IHO1: variants seen among roughly 807,000 people sequenced by gnomAD.
IHO1 encodes interactor of HORMAD1 protein 1.
A neutral mutation model predicts 31.0 loss-of-function variants in IHO1; 13 were observed. The ratio of observed to expected loss-of-function variants is 0.42; its 90% CI spans 0.27 to 0.67. The LOEUF is 0.67. Among genes scored for constraint, IHO1 ranks in the 30% least tolerant of loss-of-function variants. The pLI, the probability that IHO1 is intolerant of heterozygous loss-of-function variation, is 0.24. For synonymous variants in IHO1, 221 were observed against 248.4 expected, an observed-to-expected ratio of 0.89 and a Z score of 1.04; for missense variants, 599 against 687.5, an observed-to-expected ratio of 0.87 and a Z score of 1.44.
intron 2 of IHO1, among the ~76,000 whole-genome samples, chr3:49,212,163 CAAAAAAA>C (rs35238412): frequency 2.0e-5 from 1 of 50,156 alleles, no homozygotes; most frequent in Non-Finnish European, 3.9e-5. Flanking sequence ...GACTCCGTCT[CAAAAAAA>C]AAAAAAAAAA....
chr3:49,191,606 A>C, the IHO1 span: 4 of 903,846 alleles, frequency 4.4e-6, no homozygotes, highest in Non-Finnish European at 7.3e-6. Flanking sequence ...AAGATGGTGG[A>C]GAGGAAGTGG....
chr3:49,229,648 A>G (rs2046458493), intron 2 of IHO1, among the ~76,000 whole-genome samples: 1 of 152,230 alleles, frequency 6.6e-6, no homozygotes, highest in Admixed American at 6.5e-5. Flanking sequence ...AAAGAAATTT[A>G]AAGGTTTAGT....
chr3:49,220,656 C>G (rs2046343250), intron 2 of IHO1, among the ~76,000 whole-genome samples: 1 of 152,094 alleles, frequency 6.6e-6, no homozygotes, highest in Admixed American at 6.5e-5. Context: ...ATCATGAGGT[C>G]AGGAGATCAA....
rs534630414 is a variant in IHO1, at chr3:49,258,048, G to C, written c.*766G>C. The C allele has an allele frequency of 1.3e-5, 2 of 152,144 alleles. No homozygotes were observed. Among genetic ancestry groups the C allele is most frequent in the Admixed American group, 1.3e-4 (2 of 15,266 alleles). The allele number at this position is 152,144 out of a possible 1,614,324, so 9.4% of individuals were successfully genotyped here. A position where few individuals can be genotyped will look rare whatever the true frequency, so the allele number is the denominator to read the frequency against. On this transcript the variant is annotated 3_prime_UTR_variant, in exon 8 of 8. Coordinates refer to ENST00000452691, the MANE Select transcript of IHO1 (RefSeq NM_001135197.2). ...CCATTTTTATCTTGCTGAAGTTTTT[G>C]AGTTTTTGCAACACAAGTATTTTTT...
intron 1 of IHO1, chr3:49,200,507 G>GAAAGAAAGAAAGAAAC (rs2046052100): frequency 1.3e-6 from 1 of 760,062 alleles, no homozygotes; most frequent in Non-Finnish European, 1.6e-6. Context: ...AAGAAAGAAA[G>GAAAGAAAGAAAGAAAC]AAAGAAAGAA....
At chr3:49,191,735 G>A in the IHO1 span, 2 of 1,588,514 alleles carry the variant, frequency 1.3e-6, no homozygotes, top group African/African-American at 1.4e-5. Flanking sequence ...AACATAAAGT[G>A]CACTCTTACC....
At chr3:49,205,573 G>A (rs889830759) in intron 1 of IHO1, among the ~76,000 whole-genome samples, 2 of 151,408 alleles carry the variant, frequency 1.3e-5, no homozygotes, top group East Asian at 1.9e-4. Context: ...CGATTACAGC[G>A]TGAACCACTA....
At chr3:49,232,163 T>C (rs757410984) in intron 2 of IHO1, among the ~76,000 whole-genome samples, 2 of 152,192 alleles carry the variant, frequency 1.3e-5, no homozygotes, top group African/African-American at 4.8e-5. Flanking sequence ...CTAGCTACAT[T>C]TTTCTCTCTA....
chr3:49,202,116 G>A (rs554464943), intron 1 of IHO1, among the ~76,000 whole-genome samples: 1 of 151,980 alleles, frequency 6.6e-6, no homozygotes, highest in Non-Finnish European at 1.5e-5. Context: ...GTCCTCAAAA[G>A]AGCTTAATAT....
At chr3:49,246,399 C>T (rs1559451560) in intron 6 of IHO1, among the ~76,000 whole-genome samples, 1 of 152,078 alleles carries the variant, frequency 6.6e-6, no homozygotes. Flanking sequence ...AATCCCAGCA[C>T]TTTGGGAGGC....
At chr3:49,243,246 G>A (rs1321105572) in intron 4 of IHO1, among the ~76,000 whole-genome samples, 3 of 151,972 alleles carry the variant, frequency 2.0e-5, no homozygotes, top group Non-Finnish European at 2.9e-5. Context: ...GGGTTCAAGC[G>A]ATTCAAGTGC....
chr3:49,254,452 G>GA (rs1309989080), intron 6 of IHO1, among the ~76,000 whole-genome samples: 1 of 152,106 alleles, frequency 6.6e-6, no homozygotes, highest in Non-Finnish European at 1.5e-5. Flanking sequence ...CACATACACG[G>GA]TGCTACCTGC....
At chr3:49,238,644 C>T (rs10154992) in intron 3 of IHO1, among the ~76,000 whole-genome samples, 111,388 of 152,078 alleles carry the variant, frequency 0.73, 41,299 homozygotes, top group East Asian at 0.99. Context: ...CTCGTGACCT[C>T]GCAGCTGCAT....
intron 2 of IHO1, among the ~76,000 whole-genome samples, chr3:49,230,490 A>G (rs567282338): frequency 1.3e-5 from 2 of 152,342 alleles, no homozygotes; most frequent in East Asian, 3.9e-4. Context: ...GTGTTGTCAC[A>G]AGTCATGTTA....
intron 1 of IHO1, among the ~76,000 whole-genome samples, chr3:49,206,754 T>G (rs146057591): frequency 6.6e-5 from 10 of 152,136 alleles, no homozygotes; most frequent in African/African-American, 1.9e-4. Context: ...TCTGACAGGC[T>G]GGATGCAGTG....
At chr3:49,226,431 G>A (rs1327711391) in intron 2 of IHO1, among the ~76,000 whole-genome samples, 1 of 152,224 alleles carries the variant, frequency 6.6e-6, no homozygotes, top group African/African-American at 2.4e-5. Flanking sequence ...GAGGAAGGCA[G>A]AAGGATTTTC....
At chr3:49,193,577 C>T (rs2045977298), upstream of IHO1, among the ~76,000 whole-genome samples, 1 of 138,470 alleles carries the variant, frequency 7.2e-6, no homozygotes, top group Non-Finnish European at 1.5e-5. Context: ...CCTGTAGTCC[C>T]AGCTACGCTA....
At position 49,244,730 on chromosome 3, in the gene IHO1, A is replaced by G; in HGVS notation, c.529A>G (p.Thr177Ala). 2 of 1,613,526 alleles carry G rather than the reference A, an allele frequency of 1.2e-6. No homozygotes were observed. The highest frequency in any genetic ancestry group is 8.5e-7 in the Non-Finnish European group (1 of 1,179,446). The change falls in exon 6 of 8, where the codon ACA becomes GCA. Residue 177 changes from threonine (T) to alanine (A), a missense_variant. Thr to Ala is a moderately conservative substitution (Grantham distance 58, BLOSUM62 0). Transcript: ENST00000452691. Reference protein sequence around the residue: ...ILDSLETVAKTLQETIQAQND... With the variant: ...ILDSLETVAKALQETIQAQND... ...GGATTCTTTGGAGACTGTGGCCAAG[A>G]CATGTGAGTGCCTCATGTTTGAGGT...
upstream of IHO1, among the ~76,000 whole-genome samples, chr3:49,194,217 G>A (rs1338418962): frequency 6.1e-5 from 9 of 147,444 alleles, no homozygotes; most frequent in Admixed American, 4.8e-4. Flanking sequence ...GCAGTGAGTC[G>A]AGATCGTGCC....
Sources: gnomAD v4.1 joint callset for allele counts (sites outside exome capture counted in the v4.1 genomes callset) on GRCh38, gnomAD v4.1.1 for gene constraint, MANE v1.5 for transcripts, NCBI Gene and HGNC (gene_info 2026-07-23, HGNC 2026-07-21) for gene names.